The following XPO4 variants were observed in gnomAD, a reference collection of about 807,000 sequenced individuals.
The protein encoded by XPO4 is exportin-4.
Under a neutral mutation model 143.0 loss-of-function variants are expected in XPO4, and 39 were observed. The ratio of observed to expected loss-of-function variants is 0.27; its 90% CI spans 0.21 to 0.36. The LOEUF (loss-of-function observed/expected upper bound fraction) is 0.36, where lower values mean the gene tolerates loss of function less well. Among genes scored for constraint, XPO4 ranks in the 10% least tolerant of loss-of-function variants. The pLI, the probability that XPO4 is intolerant of heterozygous loss-of-function variation, is 1.00. For missense variants in XPO4, 907 were observed against 1,348.0 expected (o/e 0.67, Z 5.12); for synonymous variants, 439 against 474.0 (o/e 0.93, Z 0.96).
In XPO4 at chr13:20,902,694, C is replaced by T; in HGVS notation, c.45G>A (p.Leu15=). ...ALGPPEVIAQ[L]ENAAKVLMAP... is the part of the protein sequence containing the mutation. ...CCATCAGAACTTTAGCCGCGTTCTC[C>T]AGCTGAGCGATCACTTCTGGGGGCC... The change falls in exon 1 of 23, where the codon CTG becomes CTA. Residue 15 remains leucine, a synonymous_variant. Coordinates refer to ENST00000255305, the MANE Select transcript of XPO4 (RefSeq NM_022459.5). 6.3e-7 allele frequency: 1 copy of T among 1,585,286 alleles called. No individual in the cohort carries two copies. The highest frequency in any genetic ancestry group is 1.8e-5 in the Admixed American group (1 of 56,556).
intron 10 of XPO4, among the ~76,000 whole-genome samples, chr13:20,809,503 T>C (rs2059550715): frequency 6.6e-6 from 1 of 152,134 alleles, no homozygotes; most frequent in African/African-American, 2.4e-5. Flanking sequence ...CCACCTCCCA[T>C]ATGGGAGAAT....
intron 1 of XPO4, among the ~76,000 whole-genome samples, chr13:20,897,229 C>A (rs1488923050): frequency 1.3e-5 from 2 of 152,074 alleles, no homozygotes; most frequent in East Asian, 3.8e-4. Context: ...ATGACGTGTA[C>A]TGTGGTTACA....
At chr13:20,829,688 T>C (rs1178527586) in intron 6 of XPO4, among the ~76,000 whole-genome samples, 1 of 152,180 alleles carries the variant, frequency 6.6e-6, no homozygotes, top group Non-Finnish European at 1.5e-5. Flanking sequence ...CTTCTGGATA[T>C]ATGAAAAACT....
rs569169206 is a variant in XPO4, at chr13:20,781,880, T to A, written c.*1842A>T. On this transcript the variant is annotated 3_prime_UTR_variant, in exon 23 of 23. Coordinates refer to ENST00000255305, the MANE Select transcript of XPO4 (RefSeq NM_022459.5). ...ATTACTGCTGCATATCACTTCAAGTTTTTTAAGGGGAAAAAAAAAACACCT... is the reference window on the plus strand; with the variant it reads ...ATTACTGCTGCATATCACTTCAAGTATTTTAAGGGGAAAAAAAAAACACCT... The A allele has an allele frequency of 2.0e-5, 3 of 152,230 alleles. No individual in the cohort carries two copies. In the South Asian group the frequency reaches 6.2e-4, roughly 32 times the overall value. The allele number at this position is 152,230 out of a possible 1,614,324, so 9.4% of individuals were successfully genotyped here. A position where few individuals can be genotyped will look rare whatever the true frequency, so the allele number is the denominator to read the frequency against.
chr13:20,881,003 A>C (rs1386531839), intron 1 of XPO4, among the ~76,000 whole-genome samples: 2 of 152,076 alleles, frequency 1.3e-5, no homozygotes, highest in African/African-American at 4.8e-5. Context: ...TATTACAACA[A>C]GGATGAACTT....
intron 3 of XPO4, among the ~76,000 whole-genome samples, chr13:20,858,646 C>A (rs887469065): frequency 6.6e-5 from 10 of 151,890 alleles, no homozygotes; most frequent in African/African-American, 2.4e-4. Flanking sequence ...TCAAGGAGGG[C>A]GGATCATGAG....
intron 1 of XPO4, among the ~76,000 whole-genome samples, chr13:20,893,049 T>C (rs886392721): frequency 2.0e-5 from 3 of 151,892 alleles, no homozygotes; most frequent in Admixed American, 6.6e-5. Flanking sequence ...GACTAGTATA[T>C]GAGAGGCCCT....
At chr13:20,795,387 T>C (rs960743649) in intron 18 of XPO4, among the ~76,000 whole-genome samples, 2 of 152,236 alleles carry the variant, frequency 1.3e-5, no homozygotes, top group Non-Finnish European at 2.9e-5. Flanking sequence ...TCAGACACAA[T>C]GCTAGGCACC....
intron 1 of XPO4, among the ~76,000 whole-genome samples, chr13:20,881,570 A>AAAC (rs1246806797): frequency 4.6e-5 from 7 of 152,246 alleles, no homozygotes; most frequent in Non-Finnish European, 1.0e-4. Context: ...ACATCCAGCC[A>AAAC]ATAATTTTTT....
At chr13:20,850,283 A>G in intron 4 of XPO4, 1 of 978,266 alleles carries the variant, frequency 1.0e-6, no homozygotes, top group Non-Finnish European at 1.2e-6. Context: ...TACTTGCTGA[A>G]TAGAAGTGAA....
intron 1 of XPO4, among the ~76,000 whole-genome samples, chr13:20,899,610 A>T (rs189010719): frequency 1.3e-5 from 2 of 152,190 alleles, no homozygotes; most frequent in African/African-American, 4.8e-5. Context: ...AATTTGTTAC[A>T]ATTTCCTTTT....
intron 4 of XPO4, among the ~76,000 whole-genome samples, chr13:20,855,386 C>CA (rs746992534): frequency 2.7e-5 from 4 of 149,838 alleles, no homozygotes; most frequent in Non-Finnish European, 4.4e-5. Context: ...ACCCGGAAGG[C>CA]AGAGGTTGCG....
intron 1 of XPO4, among the ~76,000 whole-genome samples, chr13:20,871,450 A>G (rs2060297636): frequency 6.6e-6 from 1 of 152,130 alleles, no homozygotes; most frequent in African/African-American, 2.4e-5. Flanking sequence ...CTCTTCCGTA[A>G]CTGGGACTAC....
intron 22 of XPO4, among the ~76,000 whole-genome samples, chr13:20,785,872 G>A (rs958377373): frequency 1.8e-5 from 2 of 112,244 alleles, no homozygotes; most frequent in East Asian, 2.6e-4. Context: ...GAGGAAAGGA[G>A]GGAGGGAGGG....
intron 1 of XPO4, among the ~76,000 whole-genome samples, chr13:20,880,155 C>T (rs1016741850): frequency 3.9e-5 from 6 of 152,140 alleles, no homozygotes; most frequent in African/African-American, 1.2e-4. Context: ...CAGCCACAGA[C>T]GGGCGCGGTG....
intron 4 of XPO4, chr13:20,848,630 C>T (rs1025752020): frequency 6.1e-6 from 6 of 985,102 alleles, no homozygotes; most frequent in South Asian, 9.4e-5. Context: ...AAATGTGTTA[C>T]ACCACTTAAA....
intron 16 of XPO4, 27 bp from the exon 17 acceptor site, chr13:20,797,084 T>TA (rs2059367990): frequency 6.5e-7 from 1 of 1,542,254 alleles, no homozygotes; most frequent in South Asian, 1.3e-5. Context: ...GGAATTTTCT[T>TA]AAAGCTCAGT....
At chr13:20,865,637 T>C (rs1310917191) in intron 2 of XPO4, 1 of 950,760 alleles carries the variant, frequency 1.1e-6, no homozygotes, top group African/African-American at 1.8e-5. Flanking sequence ...AAGACAAAAG[T>C]TAAAGTTAAT....
chr13:20,885,826 A>AC (rs1421893171), intron 1 of XPO4, among the ~76,000 whole-genome samples: 1 of 48,784 alleles, frequency 2.0e-5, no homozygotes, highest in East Asian at 0.071. Context: ...TTACAAAAGT[A>AC]GAAAAAAATT....
Sources: allele counts gnomAD v4.1 joint callset (sites outside exome capture counted in the v4.1 genomes callset), GRCh38; gene constraint gnomAD v4.1.1; transcripts MANE v1.5; gene names NCBI Gene and HGNC (gene_info 2026-07-23, HGNC 2026-07-21).